DDX55: variants seen among roughly 807,000 people sequenced by gnomAD.
The protein encoded by DDX55 is DEAD-box helicase 55.
DDX55 carries 56 observed loss-of-function variants against 69.2 expected under a neutral mutation model. The observed-to-expected ratio is 0.81, with a 90% CI of 0.65 to 1.01. DDX55 has a LOEUF of 1.01. Among genes scored for constraint, DDX55 ranks in the 50% least tolerant of loss-of-function variants. The pLI is 0.00. For synonymous variants in DDX55, 268 were observed against 273.1 expected, an observed-to-expected ratio of 0.98 and a Z score of 0.18; for missense variants, 720 against 745.1, an observed-to-expected ratio of 0.97 and a Z score of 0.39.
At chr12:123,616,372 A>G (rs2135735418) in intron 9 of DDX55, 139 bp from the exon 10 acceptor site, 1 of 719,180 alleles carries the variant, frequency 1.4e-6, no homozygotes. Context: ...AGAAGAAAAA[A>G]TCAAAATATT....
At chr12:123,604,128 TG>T (rs1953745062) in intron 1 of DDX55, among the ~76,000 whole-genome samples, 1 of 152,132 alleles carries the variant, frequency 6.6e-6, no homozygotes, top group Non-Finnish European at 1.5e-5. Context: ...AACACTGAGC[TG>T]GGTACAGTGG....
chr12:123,618,325 T>G, intron 11 of DDX55: 2 of 575,644 alleles, frequency 3.5e-6, no homozygotes, highest in Middle Eastern at 3.3e-4. Flanking sequence ...CTGGTGGGCT[T>G]TAAGGCTGTG....
intron 7 of DDX55, among the ~76,000 whole-genome samples, chr12:123,610,908 T>TTTG (rs1566189919): frequency 1.9e-3 from 280 of 148,280 alleles, no homozygotes; most frequent in African/African-American, 6.7e-3. Context: ...TTGTTTGTTT[T>TTTG]TTTTTGTTTT....
Position 123,608,780 on chromosome 12 carries a change from CTGG to C in DDX55, c.505_507del (p.Val169del). 1 of 1,614,130 alleles carries C rather than the reference CTGG, an allele frequency of 6.2e-7. No individual in the cohort carries two copies. The highest frequency in any genetic ancestry group is 8.5e-7 in the Non-Finnish European group (1 of 1,180,034). ...CAGCTGTGTGCGATCCCTGGATGTCCTGGTGTTGGATGAGGCAGACAGACTTCT... is the reference window on the plus strand; with the variant it reads ...CAGCTGTGTGCGATCCCTGGATGTCCTGTTGGATGAGGCAGACAGACTTCT... On this transcript the variant is annotated inframe_deletion, in exon 6 of 14. Coordinates refer to ENST00000238146, the MANE Select transcript of DDX55 (RefSeq NM_020936.3).
chr12:123,613,261 C>T lies in DDX55; in HGVS notation c.824+9C>T. 1.2e-6 allele frequency: 2 copies of T among 1,613,982 alleles called. No homozygotes were observed. The highest frequency in any genetic ancestry group is 1.3e-5 in the African/African-American group (1 of 75,034). Reference sequence around the variant, plus strand: ...CACCTGGTCTTCTTCAGGTACTCCTCTGGTCTCTGTGGTAGAGGCATCAGG... The same window carrying T: ...CACCTGGTCTTCTTCAGGTACTCCTTTGGTCTCTGTGGTAGAGGCATCAGG... On this transcript the variant is annotated intron_variant, in intron 8 of 13. Transcript: ENST00000238146.
At chr12:123,619,342 C>T (rs1954971652) in intron 12 of DDX55, 90 bp from the exon 13 acceptor site, 1 of 1,506,752 alleles carries the variant, frequency 6.6e-7, no homozygotes. Flanking sequence ...TGCATTAAAC[C>T]CTTTGGTTAG....
chr12:123,604,897 A>G (rs1013043608), intron 1 of DDX55: 5 of 152,138 alleles, frequency 3.3e-5, no homozygotes, highest in Non-Finnish European at 5.9e-5. Flanking sequence ...TGTTGGCACT[A>G]TTGACATTTT....
chr12:123,616,160 C>G (rs570569537), intron 9 of DDX55, among the ~76,000 whole-genome samples: 1 of 152,024 alleles, frequency 6.6e-6, no homozygotes, highest in African/African-American at 2.4e-5. Context: ...TAAAAGTCTT[C>G]TTTTGGACAA....
chr12:123,608,937 T>G, intron 6 of DDX55, 108 bp downstream of exon 6: 4 of 1,048,954 alleles, frequency 3.8e-6, no homozygotes, highest in Non-Finnish European at 5.1e-6. Context: ...ATTTTTTATT[T>G]TCATTTTTAT....
At chr12:123,617,963 T>C (rs1954807563) in intron 11 of DDX55, 91 bp downstream of exon 11, 4 of 1,303,850 alleles carry the variant, frequency 3.1e-6, no homozygotes, top group Non-Finnish European at 4.4e-6. Context: ...AAATTACGAA[T>C]TGCAAACTCA....
chr12:123,614,354 A>G (rs939390626), intron 8 of DDX55, among the ~76,000 whole-genome samples: 4 of 152,236 alleles, frequency 2.6e-5, no homozygotes, highest in African/African-American at 9.6e-5. Flanking sequence ...GACAAGAGTT[A>G]GCCCAAACTG....
At chr12:123,605,109 T>G (rs924538870) in intron 1 of DDX55, 7 of 152,298 alleles carry the variant, frequency 4.6e-5, no homozygotes, top group African/African-American at 1.7e-4. Context: ...AGCCTCGACC[T>G]CCCTGGGCCT....
At chr12:123,608,189 T>C (rs1296790893) in intron 5 of DDX55, 1 of 172,214 alleles carries the variant, frequency 5.8e-6, no homozygotes, top group Non-Finnish European at 1.3e-5. Flanking sequence ...TCTAATTCTG[T>C]CAACATTTCC....
chr12:123,619,455 C>G lies in DDX55; in HGVS notation c.1357C>G (p.Arg453Gly), dbSNP rs1391397108. 1.2e-6 allele frequency: 2 copies of G among 1,612,406 alleles called. No homozygotes were observed. The highest frequency in any genetic ancestry group is 1.3e-5 in the African/African-American group (1 of 74,762). The stretch of plus-strand genomic sequence containing the variant: ...AGATCTTGATTTTGCCAGCCTTGCT[C>G]GAGGTTTTGCCCTGCTGAGGATGCC... ...LKDLDFASLARGFALLRMPKM... is the reference protein window; with the variant it reads ...LKDLDFASLAGGFALLRMPKM... Residue 453 changes from arginine to glycine, a missense_variant, in exon 13 of 14, where the codon CGA (arginine) becomes GGA (glycine). Coordinates refer to ENST00000238146, the MANE Select transcript of DDX55 (RefSeq NM_020936.3).
chr12:123,618,579 T>G (rs911768263), intron 11 of DDX55, 90 bp from the exon 12 acceptor site: 4 of 1,557,856 alleles, frequency 2.6e-6, no homozygotes, highest in Admixed American at 3.9e-5. Flanking sequence ...AGGAATTGTT[T>G]CGCTTTTGTT....
chr12:123,606,388 G>GA (rs991404625), intron 3 of DDX55, among the ~76,000 whole-genome samples: 27 of 149,708 alleles, frequency 1.8e-4, no homozygotes, highest in Non-Finnish European at 3.0e-4. Flanking sequence ...AATGAAACTT[G>GA]AAAAAAAAAG....
At chr12:123,618,647 T>C in intron 11 of DDX55, 22 bp from the exon 12 acceptor site, 2 of 1,603,000 alleles carry the variant, frequency 1.2e-6, no homozygotes, top group Non-Finnish European at 1.7e-6. Flanking sequence ...AAGGTGAGAA[T>C]GTGGTATGTG....
At chr12:123,614,457 G>A (rs1358751942) in intron 8 of DDX55, among the ~76,000 whole-genome samples, 2 of 152,198 alleles carry the variant, frequency 1.3e-5, no homozygotes, top group African/African-American at 4.8e-5. Context: ...GTAAGTTTTA[G>A]TTCCCTCATC....
At position 123,605,834 on chromosome 12, in the gene DDX55, C is replaced by T. The variant is rs143136730; in HGVS notation, c.109-97C>T. Reference sequence around the variant, plus strand: ...AGAGCCCCTTTTGTGGTGGGACCCACTGTGACCTTAGCTGCCCATTATGTT... The same window carrying T: ...AGAGCCCCTTTTGTGGTGGGACCCATTGTGACCTTAGCTGCCCATTATGTT... On this transcript the variant is annotated intron_variant, in intron 1 of 13. Coordinates refer to ENST00000238146, the MANE Select transcript of DDX55 (RefSeq NM_020936.3). 1,917 of 1,542,126 alleles carry T rather than the reference C, an allele frequency of 1.2e-3. 5 individuals carry two copies. The highest frequency in any genetic ancestry group is 1.6e-3 in the Non-Finnish European group (1,756 of 1,115,354).
Sources: allele counts gnomAD v4.1 joint callset (sites outside exome capture counted in the v4.1 genomes callset), GRCh38; gene constraint gnomAD v4.1.1; transcripts MANE v1.5; gene names NCBI Gene and HGNC (gene_info 2026-07-23, HGNC 2026-07-21).